Variants in FNIP1 observed in about 807,000 individuals in gnomAD.
FNIP1 encodes folliculin interacting protein 1, also known as folliculin-interacting protein 1.
In FNIP1, 40 loss-of-function variants were observed where a neutral mutation model predicts 124.5. The ratio of observed to expected loss-of-function variants is 0.32; its 90% confidence interval spans 0.25 to 0.42. The LOEUF is 0.42. Among genes scored for constraint, FNIP1 ranks in the 10% least tolerant of loss-of-function variants. The pLI is 1.00. For synonymous variants in FNIP1, 472 were observed against 470.6 expected (o/e 1.00, Z -0.04); for missense variants, 1,176 against 1,403.7 (o/e 0.84, Z 2.59).
At chr5:131,684,339 A>G (rs1202531965) in intron 11 of FNIP1, among the ~76,000 whole-genome samples, 1 of 152,248 alleles carries the variant, frequency 6.6e-6, no homozygotes, top group Non-Finnish European at 1.5e-5. Context: ...GGGGTTACAA[A>G]TAAATGTTAG....
chr5:131,685,448 C>CTTTTT (rs368323566), intron 11 of FNIP1, among the ~76,000 whole-genome samples: 4 of 126,062 alleles, frequency 3.2e-5, no homozygotes, highest in South Asian at 2.4e-4. Context: ...CCTTAAGAAT[C>CTTTTT]TTTTTTTTTT....
At chr5:131,653,444 C>T (rs549196283) in intron 15 of FNIP1, among the ~76,000 whole-genome samples, 1 of 151,790 alleles carries the variant, frequency 6.6e-6, no homozygotes, top group Non-Finnish European at 1.5e-5. Flanking sequence ...GAGGCTGAGG[C>T]AGGAGAATGG....
In FNIP1 at chr5:131,760,922, G is replaced by A. The variant is rs375152925; in HGVS notation, c.93-16232C>T. Among the ~76,000 whole-genome samples, 4 of 151,780 alleles carry A rather than the reference G, an allele frequency of 2.6e-5. 1 individual carries two copies. The South Asian group carries it at 8.3e-4, about 32-fold the overall frequency. ...AGAGGGAGGGAGGGAGGGAGGGAAG[G>A]AGGGAGGGAGAGAAGTATGCTAAAT... On this transcript the variant is annotated intron_variant, in intron 1 of 17. Coordinates refer to ENST00000510461, the MANE Select transcript of FNIP1 (RefSeq NM_133372.3).
At chr5:131,667,800 G>C (rs1421735553) in intron 15 of FNIP1, among the ~76,000 whole-genome samples, 1 of 152,134 alleles carries the variant, frequency 6.6e-6, no homozygotes, top group Non-Finnish European at 1.5e-5. Flanking sequence ...GTTGGCCAGG[G>C]TGGTCACAAA....
At chr5:131,661,765 G>A (rs1191516254) in intron 15 of FNIP1, among the ~76,000 whole-genome samples, 3 of 152,140 alleles carry the variant, frequency 2.0e-5, no homozygotes, top group African/African-American at 4.8e-5. Context: ...GAAACCTGCC[G>A]TGCCAACAAA....
chr5:131,668,000 C>T (rs1767651607), intron 15 of FNIP1, among the ~76,000 whole-genome samples: 1 of 152,142 alleles, frequency 6.6e-6, no homozygotes, highest in Non-Finnish European at 1.5e-5. Context: ...TTCAACCAAA[C>T]AATAGCTGAA....
intron 1 of FNIP1, among the ~76,000 whole-genome samples, 184 bp from the exon 2 acceptor site, chr5:131,744,874 C>A (rs1380721322): frequency 1.3e-5 from 2 of 150,642 alleles, no homozygotes; most frequent in Admixed American, 1.3e-4. Flanking sequence ...AAAATAAAGG[C>A]AAAACAAAAT....
At chr5:131,754,685 A>G (rs1258880750) in intron 1 of FNIP1, among the ~76,000 whole-genome samples, 3 of 152,250 alleles carry the variant, frequency 2.0e-5, no homozygotes, top group Admixed American at 6.5e-5. Flanking sequence ...GGCAGGCTGG[A>G]GCATCAGATC....
At chr5:131,702,556 C>G (rs1478690865) in intron 10 of FNIP1, among the ~76,000 whole-genome samples, 1 of 152,142 alleles carries the variant, frequency 6.6e-6, no homozygotes, top group African/African-American at 2.4e-5. Context: ...TGCTATTCTG[C>G]TATATCCAAT....
chr5:131,750,578 T>C (rs1289375901), intron 1 of FNIP1, among the ~76,000 whole-genome samples: 2 of 150,848 alleles, frequency 1.3e-5, no homozygotes, highest in African/African-American at 2.4e-5. Flanking sequence ...AGTGAGAGAA[T>C]GGTTTGGGTT....
Position 131,785,128 on chromosome 5 carries a change from T to C in FNIP1, c.92+11702A>G, listed in dbSNP as rs1434081927. Among the ~76,000 whole-genome samples, 3 of 22,206 alleles carry C rather than the reference T, an allele frequency of 1.4e-4. No individual in the cohort carries two copies. In the East Asian group the frequency reaches 1.9e-3, roughly 14 times the overall value. 14.6% of individuals were successfully genotyped at this position (22,206 alleles called of 152,430 possible). On this transcript the variant is annotated intron_variant, in intron 1 of 17. Coordinates refer to ENST00000510461, the MANE Select transcript of FNIP1 (RefSeq NM_133372.3). ...ATATATATATCATATATATGATATA[T>C]ATGACTATATATATAGTCATATATA...
chr5:131,713,288 T>C (rs1254552062), intron 6 of FNIP1, among the ~76,000 whole-genome samples: 1 of 152,024 alleles, frequency 6.6e-6, no homozygotes, highest in African/African-American at 2.4e-5. Context: ...CCTCGTGATC[T>C]GCCCGCCTTG....
chr5:131,671,056 G>A (rs1554092844), intron 14 of FNIP1, among the ~76,000 whole-genome samples: 2 of 152,174 alleles, frequency 1.3e-5, no homozygotes, highest in Non-Finnish European at 1.5e-5. Flanking sequence ...CAAGTCCAAA[G>A]CTAGGTATGT....
At chr5:131,730,871 G>T (rs757336076) in intron 3 of FNIP1, 33 bp downstream of exon 3, 11 of 1,538,492 alleles carry the variant, frequency 7.1e-6, no homozygotes, top group Non-Finnish European at 9.7e-6. Flanking sequence ...AATTATAAAT[G>T]AATGAATAAA....
At chr5:131,690,282 T>C (rs1016552943) in intron 11 of FNIP1, among the ~76,000 whole-genome samples, 1 of 152,100 alleles carries the variant, frequency 6.6e-6, no homozygotes, top group Non-Finnish European at 1.5e-5. Flanking sequence ...TAGAAAAAGA[T>C]ATACTACATT....
At chr5:131,648,745 A>G (rs890641048) in intron 16 of FNIP1, among the ~76,000 whole-genome samples, 5 of 152,132 alleles carry the variant, frequency 3.3e-5, no homozygotes, top group Non-Finnish European at 7.3e-5. Flanking sequence ...ACATTTTATC[A>G]TCTCAAAAAC....
rs754662975 is a variant in FNIP1 at position 131,796,883 on chromosome 5, C to G, written c.39G>C (p.Arg13Ser). Residue 13 changes from arginine (R) to serine (S), a missense_variant, in exon 1 of 18, where the codon AGG becomes AGC. Physicochemically the swap from Arg to Ser is moderately radical, Grantham distance 110 (BLOSUM62 -1). Around this residue, in one of 2 missense-constraint regions of FNIP1, gnomAD observed 1,109 missense variants for 1,288.5 expected, o/e 0.86. Transcript: ENST00000510461. ...CGCGGCCGGGCGCGCCCAGCCCGGT[C>G]CTCTTGCTGAAGAGCTTCTGGAACA... Reference protein sequence around the residue: ...PTLFQKLFSKRTGLGAPGRDA... With the variant: ...PTLFQKLFSKSTGLGAPGRDA... 13 of 1,609,002 alleles carry G rather than the reference C, an allele frequency of 8.1e-6. No individual in the cohort carries two copies. In the African/African-American group the frequency reaches 1.2e-4, roughly 15 times the overall value.
At chr5:131,713,857 C>G (rs1769381577) in intron 6 of FNIP1, among the ~76,000 whole-genome samples, 2 of 152,212 alleles carry the variant, frequency 1.3e-5, no homozygotes, top group Admixed American at 1.3e-4. Flanking sequence ...GTAACATTAT[C>G]TGTCATTTGG....
chr5:131,780,052 T>C (rs1297317258), intron 1 of FNIP1, among the ~76,000 whole-genome samples: 6 of 151,778 alleles, frequency 4.0e-5, no homozygotes, highest in Admixed American at 1.3e-4. Flanking sequence ...AAAATAATAA[T>C]AATAATAATA....
Sources: allele counts gnomAD v4.1 joint callset (sites outside exome capture counted in the v4.1 genomes callset), GRCh38; gene constraint gnomAD v4.1.1; regional missense constraint gnomAD v4.1.1; transcripts MANE v1.5; gene names NCBI Gene and HGNC (gene_info 2026-07-23, HGNC 2026-07-21).